Variants in C19orf81 observed in about 807,000 individuals in gnomAD.
C19orf81 encodes chromosome 19 open reading frame 81.
A neutral mutation model predicts 22.1 loss-of-function variants in C19orf81; 19 were observed. That is an observed-to-expected ratio of 0.86 (90% CI 0.60 to 1.26). The LOEUF (loss-of-function observed/expected upper bound fraction) is 1.26. Ranked by LOEUF, C19orf81 falls within the 50% of genes most tolerant of loss-of-function variation. The probability of loss-of-function intolerance (pLI) is 0.00; values close to 1 mark genes in which losing one functional copy is unlikely to be tolerated. For synonymous variants in C19orf81, 108 were observed against 113.1 expected (o/e 0.95, Z 0.29); for missense variants, 287 against 280.7 (o/e 1.02, Z -0.16).
At chr19:50,658,807 G>T in intron 4 of C19orf81, 140 bp from the exon 5 acceptor site, 1 of 692,058 alleles carries the variant, frequency 1.4e-6, no homozygotes, top group Middle Eastern at 2.7e-4. Flanking sequence ...CAGGGCTGGA[G>T]GGGAGTTTAG....
chr19:50,651,270 C>T (rs1405971816), intron 1 of C19orf81, among the ~76,000 whole-genome samples: 4 of 152,192 alleles, frequency 2.6e-5, no homozygotes, highest in Admixed American at 2.6e-4. Flanking sequence ...TGACTCTCTT[C>T]TCTTTTGCTC....
In C19orf81 at chr19:50,656,076, C is replaced by T; in HGVS notation, c.94C>T (p.Pro32Ser). ...AGALLMDLET[P>S]EEMQARSLGR... The stretch of plus-strand genomic sequence containing the variant: ...AGCCCTCCTTATGGACCTGGAGACC[C>T]CAGAGGAGATGCAGGCTCGGAGCCT... The change falls in exon 2 of 5, where the codon CCA (proline) becomes TCA (serine). Residue 32 changes from proline to serine, a missense_variant. By Grantham distance (74) the Pro-to-Ser change is moderately conservative. Coordinates refer to ENST00000425202, the MANE Select transcript of C19orf81 (RefSeq NM_001195076.2). 6.5e-7 allele frequency: 1 copy of T among 1,536,112 alleles called. No individual in the cohort carries two copies. Among genetic ancestry groups the T allele is most frequent in the Non-Finnish European group, 8.7e-7 (1 of 1,146,894 alleles).
At chr19:50,655,452 C>A (rs1453072147) in intron 1 of C19orf81, among the ~76,000 whole-genome samples, 1 of 152,104 alleles carries the variant, frequency 6.6e-6, no homozygotes, top group African/African-American at 2.4e-5. Flanking sequence ...AGATTGAGAT[C>A]ATCCTGGCTA....
intron 1 of C19orf81, among the ~76,000 whole-genome samples, chr19:50,653,968 G>C (rs1026395274): frequency 1.3e-5 from 2 of 152,000 alleles, no homozygotes; most frequent in East Asian, 1.9e-4. Flanking sequence ...TGAGCTGGGA[G>C]GGGGGGATTT....
At chr19:50,656,832 A>G (rs1985004294) in intron 3 of C19orf81, among the ~76,000 whole-genome samples, 1 of 151,854 alleles carries the variant, frequency 6.6e-6, no homozygotes, top group Non-Finnish European at 1.5e-5. Context: ...GGTGGCTGGA[A>G]TCCCAGCTAC....
chr19:50,656,419 G>C, intron 3 of C19orf81, 73 bp downstream of exon 3: 1 of 1,466,126 alleles, frequency 6.8e-7, no homozygotes, highest in Non-Finnish European at 9.0e-7. Context: ...CTGAGAAGCA[G>C]TGTGGCCAGA....
intron 3 of C19orf81, among the ~76,000 whole-genome samples, chr19:50,657,582 A>T: frequency 6.6e-6 from 1 of 150,650 alleles, no homozygotes; most frequent in East Asian, 1.9e-4. Context: ...GCTAATACGA[A>T]TATAAAAGGA....
rs1985084209 is a variant in C19orf81, at chr19:50,659,162, A to G, written c.*20A>G. On this transcript the variant is annotated 3_prime_UTR_variant, in exon 5 of 5. Coordinates refer to ENST00000425202, the MANE Select transcript of C19orf81 (RefSeq NM_001195076.2). ...GCCTGACGCCCGGGCGGGCCCCGGCAGCGCTTGCGCACCGCCCCGCGGGCT... is the reference window on the plus strand; with the variant it reads ...GCCTGACGCCCGGGCGGGCCCCGGCGGCGCTTGCGCACCGCCCCGCGGGCT... The G allele has an allele frequency of 7.7e-7, 1 of 1,300,330 alleles. No homozygotes were observed. The highest frequency in any genetic ancestry group is 2.2e-5 in the South Asian group (1 of 44,682). 80.5% of individuals were successfully genotyped at this position (1,300,330 alleles called of 1,614,324 possible). A position where few individuals can be genotyped will look rare whatever the true frequency, so the allele number is the denominator to read the frequency against.
chr19:50,652,968 C>T (rs1234554259), intron 1 of C19orf81, among the ~76,000 whole-genome samples: 1 of 152,124 alleles, frequency 6.6e-6, no homozygotes, highest in Non-Finnish European at 1.5e-5. Flanking sequence ...GCTTCTGTTT[C>T]ATCATGTGTT....
chr19:50,659,170 CGCACCGCCCCGCGG>C lies in C19orf81; in HGVS notation c.*31_*44del. The C allele has an allele frequency of 7.8e-7, 1 of 1,284,238 alleles. No homozygotes were observed. The highest frequency in any genetic ancestry group is 9.8e-7 in the Non-Finnish European group (1 of 1,016,542). 79.6% of individuals were successfully genotyped at this position (1,284,238 alleles called of 1,614,324 possible). A position where few individuals can be genotyped will look rare whatever the true frequency, so the allele number is the denominator to read the frequency against. On this transcript the variant is annotated 3_prime_UTR_variant, in exon 5 of 5. Coordinates refer to ENST00000425202, the MANE Select transcript of C19orf81 (RefSeq NM_001195076.2). ...CCCGGGCGGGCCCCGGCAGCGCTTG[CGCACCGCCCCGCGG>C]GCTGGGGCCACCCACCCGGAGCCCC... is the stretch of plus-strand genomic sequence containing the variant.
Position 50,656,263 on chromosome 19 carries a change from G to A in C19orf81, c.178G>A (p.Ala60Thr). 1 of 1,536,156 alleles carries A rather than the reference G, an allele frequency of 6.5e-7. No individual in the cohort carries two copies. The highest frequency in any genetic ancestry group is 8.7e-7 in the Non-Finnish European group (1 of 1,146,928). The stretch of plus-strand genomic sequence containing the variant: ...GCGGCAGGTCATTGCAGAGTACGAG[G>A]CACTGGACCGAGAACTCCCGTGCAT... ...YLRQVIAEYE[A>T]LDRELPCIRK... is the part of the protein sequence containing the mutation. The change falls in exon 3 of 5, where the codon GCA becomes ACA. Residue 60 changes from alanine to threonine, a missense_variant. Physicochemically the swap from Ala to Thr is moderately conservative, Grantham distance 58. Transcript: ENST00000425202.
At chr19:50,651,019 G>A (rs373779943) in intron 1 of C19orf81, among the ~76,000 whole-genome samples, 9 of 152,198 alleles carry the variant, frequency 5.9e-5, no homozygotes, top group South Asian at 2.1e-4. Context: ...TCTTTGCAGC[G>A]TTGTGGAACC....
chr19:50,650,646 G>A lies in C19orf81; in HGVS notation c.67+1135G>A, dbSNP rs373812113. Among the ~76,000 whole-genome samples the A allele has an allele frequency of 5.9e-5, 9 of 152,332 alleles. No individual in the cohort carries two copies. In the East Asian group the frequency reaches 1.2e-3, roughly 20 times the overall value. Reference sequence around the variant, plus strand: ...AGATTGTGCCACTGCACTCCAGCCTGGGTGATGGAGGGAGACTCTGTCTCA... The same window carrying A: ...AGATTGTGCCACTGCACTCCAGCCTAGGTGATGGAGGGAGACTCTGTCTCA... On this transcript the variant is annotated intron_variant, in intron 1 of 4. Transcript: ENST00000425202.
chr19:50,656,460 G>T, intron 3 of C19orf81, 114 bp downstream of exon 3: 1 of 1,365,984 alleles, frequency 7.3e-7, no homozygotes, highest in South Asian at 1.5e-5. Flanking sequence ...CTTATAAGCT[G>T]TGGGCTTGCC....
In C19orf81 at chr19:50,656,993, A is replaced by AAGGG. The variant is rs1178065174; in HGVS notation, c.261+657_261+660dup. Among the ~76,000 whole-genome samples the AAGGG allele has an allele frequency of 3.4e-3, 429 of 127,156 alleles. 1 individual carries two copies. Among genetic ancestry groups the AAGGG allele is most frequent in the African/African-American group, 0.013 (412 of 32,032 alleles). 83.4% of individuals were successfully genotyped at this position (127,156 alleles called of 152,430 possible). A position where few individuals can be genotyped will look rare whatever the true frequency, so the allele number is the denominator to read the frequency against. On this transcript the variant is annotated intron_variant, in intron 3 of 4. Coordinates refer to ENST00000425202, the MANE Select transcript of C19orf81 (RefSeq NM_001195076.2). ...GAAAGAAAGAAAGAAGGAAGGAAGG[A>AAGGG]AGGGAGGGAGGGAAAGGAAAGGAAA... is the stretch of plus-strand genomic sequence containing the variant.
intron 1 of C19orf81, among the ~76,000 whole-genome samples, chr19:50,655,290 G>A (rs1984969697): frequency 6.6e-6 from 1 of 152,092 alleles, no homozygotes; most frequent in Non-Finnish European, 1.5e-5. Context: ...GGTCAAAAAG[G>A]GTCCATATTT....
chr19:50,658,862 A>G, intron 4 of C19orf81, 85 bp from the exon 5 acceptor site: 2 of 1,220,408 alleles, frequency 1.6e-6, no homozygotes, highest in South Asian at 3.8e-5. Flanking sequence ...AAACGACTCC[A>G]GGGACCAGGC....
intron 3 of C19orf81, 89 bp from the exon 4 acceptor site, chr19:50,657,900 G>T: frequency 7.0e-7 from 1 of 1,427,570 alleles, no homozygotes; most frequent in East Asian, 2.5e-5. Context: ...TCTGTGGCAG[G>T]TTCTGCAGGT....
At position 50,656,253 on chromosome 19, in the gene C19orf81, A is replaced by T; in HGVS notation, c.168A>T (p.Ala56=). The change falls in exon 3 of 5, where the codon GCA becomes GCT. Residue 56 remains alanine, a synonymous_variant. Transcript: ENST00000425202. The part of the protein sequence containing the change: ...SSKQYLRQVI[A]EYEALDRELP... ...AGCAGTACCTGCGGCAGGTCATTGC[A>T]GAGTACGAGGCACTGGACCGAGAAC... The T allele has an allele frequency of 6.5e-7, 1 of 1,536,128 alleles. No homozygotes were observed. Among genetic ancestry groups the T allele is most frequent in the Non-Finnish European group, 8.7e-7 (1 of 1,146,904 alleles).
Sources: gnomAD v4.1 joint callset for allele counts (sites outside exome capture counted in the v4.1 genomes callset) on GRCh38, gnomAD v4.1.1 for gene constraint, MANE v1.5 for transcripts, NCBI Gene and HGNC (gene_info 2026-07-23, HGNC 2026-07-21) for gene names.